Variants in UBE2O observed in about 807,000 individuals in gnomAD.
UBE2O encodes (E3-independent) E2 ubiquitin-conjugating enzyme.
In UBE2O, 15 loss-of-function variants were observed where a neutral mutation model predicts 125.8. The observed-to-expected ratio is 0.12, with a 90% CI of 0.08 to 0.18. UBE2O has a LOEUF of 0.18. UBE2O is among the 10% of genes least tolerant of loss of function. The pLI is 1.00. For missense variants in UBE2O, 1,280 were observed against 1,723.6 expected (o/e 0.74, Z 4.56); for synonymous variants, 708 against 703.2 (o/e 1.01, Z -0.11).
intron 15 of UBE2O, among the ~76,000 whole-genome samples, chr17:76,394,545 AGAT>A (rs1489397051): frequency 6.6e-6 from 1 of 152,244 alleles, no homozygotes; most frequent in African/African-American, 2.4e-5. Flanking sequence ...AGCAAATTAG[AGAT>A]GATGTGTACG....
chr17:76,405,290 G>A lies in UBE2O; in HGVS notation c.504C>T (p.Asp168=), dbSNP rs2072395803. 7.4e-6 allele frequency: 12 copies of A among 1,613,094 alleles called. No homozygotes were observed. The highest frequency in any genetic ancestry group is 1.0e-5 in the Non-Finnish European group (12 of 1,179,288). ...STDSQCGTVI[D]VNIDCAVKLI... ...GCTTGACGGCACAGTCGATGTTGAC[G>A]TCGATCACCGTGCCACACTGACTGT... is the stretch of plus-strand genomic sequence containing the variant. The change falls in exon 3 of 18, where the codon GAC becomes GAT. Residue 168 remains aspartate, a synonymous_variant. Transcript: ENST00000319380. This position sits in a 1 kb window ranked among gnomAD's most constrained non-coding sequence, Gnocchi z 6.1.
At chr17:76,419,628 A>G (rs982209322) in intron 1 of UBE2O, among the ~76,000 whole-genome samples, 5 of 152,188 alleles carry the variant, frequency 3.3e-5, no homozygotes, top group Non-Finnish European at 5.9e-5. Context: ...CAGGTGGTCC[A>G]GATCCCAGCC....
intron 1 of UBE2O, among the ~76,000 whole-genome samples, chr17:76,445,777 A>T (rs1000687362): frequency 6.6e-6 from 1 of 152,250 alleles, no homozygotes; most frequent in Non-Finnish European, 1.5e-5. Context: ...AATTCCAATA[A>T]GCATTTTGCT....
At position 76,399,255 on chromosome 17, in the gene UBE2O, C is replaced by A. The variant is rs919290586; in HGVS notation, c.1628+194G>T. 2 of 714,296 alleles carry A rather than the reference C, an allele frequency of 2.8e-6. No homozygotes were observed. The highest frequency in any genetic ancestry group is 5.8e-5 in the Admixed American group (2 of 34,442). 44.2% of individuals were successfully genotyped at this position (714,296 alleles called of 1,614,324 possible). A position where few individuals can be genotyped will look rare whatever the true frequency, so the allele number is the denominator to read the frequency against. On this transcript the variant is annotated intron_variant, in intron 9 of 17. Coordinates refer to ENST00000319380, the MANE Select transcript of UBE2O (RefSeq NM_022066.4). This position sits in a 1 kb window ranked among gnomAD's most constrained non-coding sequence, Gnocchi z 6.9. ...CTTAAGGCCACCACCATCCCACCCT[C>A]TGCACCACTCCTCAGTCTCTGCTTT...
chr17:76,427,450 C>T (rs936440079), intron 1 of UBE2O, among the ~76,000 whole-genome samples: 1 of 152,222 alleles, frequency 6.6e-6, no homozygotes, highest in Middle Eastern at 3.4e-3. Flanking sequence ...ATAATCTCTT[C>T]TATTATTTGA....
chr17:76,405,476 C>G lies in UBE2O; in HGVS notation c.477+37G>C. On this transcript the variant is annotated intron_variant, in intron 2 of 17. Coordinates refer to ENST00000319380, the MANE Select transcript of UBE2O (RefSeq NM_022066.4). The surrounding 1 kb of genome is among the most constrained non-coding windows in gnomAD (Gnocchi z 6.1). ...GGCTCAAGTCCCTAAGGTGGCTGCC[C>G]CCAGGCCCGGGGCTGGGGTGGGGAC... is the stretch of plus-strand genomic sequence containing the variant. 2 of 1,583,982 alleles carry G rather than the reference C, an allele frequency of 1.3e-6. No homozygotes were observed. The highest frequency in any genetic ancestry group is 1.7e-6 in the Non-Finnish European group (2 of 1,167,286).
chr17:76,398,103 G>C lies in UBE2O; in HGVS notation c.2025+152C>G. The C allele has an allele frequency of 1.8e-6, 2 of 1,142,002 alleles. No homozygotes were observed. The highest frequency in any genetic ancestry group is 1.3e-6 in the Non-Finnish European group (1 of 795,278). The allele number at this position is 1,142,002 out of a possible 1,614,324, so 70.7% of individuals were successfully genotyped here. A position where few individuals can be genotyped will look rare whatever the true frequency, so the allele number is the denominator to read the frequency against. On this transcript the variant is annotated intron_variant, in intron 12 of 17. Transcript: ENST00000319380. The surrounding 1 kb of genome is among the most constrained non-coding windows in gnomAD (Gnocchi z 5.4). Reference sequence around the variant, plus strand: ...CTGCAGCTGCTAGTGCTGAGCGGCAGCTTGACTCTGGGGCAGCTGCCCTTC... The same window carrying C: ...CTGCAGCTGCTAGTGCTGAGCGGCACCTTGACTCTGGGGCAGCTGCCCTTC...
Position 76,398,728 on chromosome 17 carries a change from G to T in UBE2O, c.1783+109C>A. 6.7e-7 allele frequency: 1 copy of T among 1,503,706 alleles called. No individual in the cohort carries two copies. The highest frequency in any genetic ancestry group is 9.1e-7 in the Non-Finnish European group (1 of 1,102,566). 93.1% of individuals were successfully genotyped at this position (1,503,706 alleles called of 1,614,324 possible). A position where few individuals can be genotyped will look rare whatever the true frequency, so the allele number is the denominator to read the frequency against. ...CCTTCATGAGGGCAGTCCCCTTCTG[G>T]ACCTCATTTTAGCTCTGACCCCAGA... On this transcript the variant is annotated intron_variant, in intron 10 of 17. Coordinates refer to ENST00000319380, the MANE Select transcript of UBE2O (RefSeq NM_022066.4). The surrounding 1 kb of genome is among the most constrained non-coding windows in gnomAD (Gnocchi z 5.4).
In UBE2O at chr17:76,395,028, A is replaced by G. The variant is rs2072180623; in HGVS notation, c.2946+697T>C. Among the ~76,000 whole-genome samples the G allele has an allele frequency of 7.0e-6, 1 of 143,100 alleles. No individual in the cohort carries two copies. The highest frequency in any genetic ancestry group is 2.6e-5 in the African/African-American group (1 of 38,742). The allele number at this position is 143,100 out of a possible 152,430, so 93.9% of individuals were successfully genotyped here. ...GTAGCTGGGATTACTGGCACCCGCC[A>G]CCACATCCGGCTAATTTTTGTATTT... On this transcript the variant is annotated intron_variant, in intron 15 of 17. Transcript: ENST00000319380. This position sits in a 1 kb window ranked among gnomAD's most constrained non-coding sequence, Gnocchi z 5.0.
At chr17:76,415,490 T>C (rs543746568) in intron 1 of UBE2O, among the ~76,000 whole-genome samples, 57 of 152,266 alleles carry the variant, frequency 3.7e-4, no homozygotes, top group Middle Eastern at 6.8e-3. Flanking sequence ...CCTGGACCAA[T>C]TGGAACCATG....
In UBE2O at chr17:76,390,823, G is replaced by T; in HGVS notation, c.*120C>A. ...AGCATCAAACTCACCTTGGGGAGAA[G>T]AGGGCAGTGGGTTTGCAGTGGGGAC... On this transcript the variant is annotated 3_prime_UTR_variant, in exon 18 of 18. Transcript: ENST00000319380. The T allele has an allele frequency of 1.0e-6, 1 of 985,984 alleles. No individual in the cohort carries two copies. Among genetic ancestry groups the T allele is most frequent in the South Asian group, 1.7e-5 (1 of 59,434 alleles). The allele number at this position is 985,984 out of a possible 1,614,324, so 61.1% of individuals were successfully genotyped here.
chr17:76,429,180 A>G (rs2072862502), intron 1 of UBE2O, among the ~76,000 whole-genome samples: 1 of 151,728 alleles, frequency 6.6e-6, no homozygotes, highest in Non-Finnish European at 1.5e-5. Flanking sequence ...GATTACAGGC[A>G]TGAGCCACCG....
chr17:76,404,797 G>A lies in UBE2O; in HGVS notation c.588+409C>T, dbSNP rs1181531761. On this transcript the variant is annotated intron_variant, in intron 3 of 17. Transcript: ENST00000319380. The surrounding 1 kb of genome is among the most constrained non-coding windows in gnomAD (Gnocchi z 4.3). ...GGGATCTCGGGGAAAAGGAGGGAGG[G>A]AAGGTGATGGAGCAAACGAAGTGAA... Among the ~76,000 whole-genome samples, 2 of 152,082 alleles carry A rather than the reference G, an allele frequency of 1.3e-5. No individual in the cohort carries two copies. Among genetic ancestry groups the A allele is most frequent in the Non-Finnish European group, 2.9e-5 (2 of 68,006 alleles).
At chr17:76,409,245 G>T (rs888408441) in intron 1 of UBE2O, among the ~76,000 whole-genome samples, 1 of 152,208 alleles carries the variant, frequency 6.6e-6, no homozygotes, top group Non-Finnish European at 1.5e-5. Flanking sequence ...TGGGATTACA[G>T]GCGTGAGCCA....
At chr17:76,451,777 GGGGTGTGTGTGT>G (rs1378528667) in intron 1 of UBE2O, among the ~76,000 whole-genome samples, 2 of 111,722 alleles carry the variant, frequency 1.8e-5, no homozygotes, top group Non-Finnish European at 3.9e-5. Flanking sequence ...GAGATACAGG[GGGGTGTGTGTGT>G]GTGTGTGTGT....
At chr17:76,438,974 TTG>T (rs2073040951) in intron 1 of UBE2O, among the ~76,000 whole-genome samples, 1 of 152,182 alleles carries the variant, frequency 6.6e-6, no homozygotes. Context: ...ACATTCCACC[TTG>T]TAAACTGCCG....
At chr17:76,450,335 C>T (rs1241586176) in intron 1 of UBE2O, among the ~76,000 whole-genome samples, 1 of 152,126 alleles carries the variant, frequency 6.6e-6, no homozygotes, top group Non-Finnish European at 1.5e-5. Context: ...AATCAGTCAC[C>T]TGTATCTATA....
chr17:76,406,857 G>A (rs1261199152), intron 1 of UBE2O, among the ~76,000 whole-genome samples: 7 of 151,856 alleles, frequency 4.6e-5, no homozygotes, highest in African/African-American at 1.2e-4. Context: ...GTGCCACCAC[G>A]CCCGGCTAAT....
At chr17:76,420,887 C>T (rs1307831295) in intron 1 of UBE2O, among the ~76,000 whole-genome samples, 1 of 152,172 alleles carries the variant, frequency 6.6e-6, no homozygotes, top group African/African-American at 2.4e-5. Context: ...CACTCACCCC[C>T]CTAGACTTCC....
Sources: gnomAD v4.1 joint callset for allele counts (sites outside exome capture counted in the v4.1 genomes callset) on GRCh38, gnomAD v4.1.1 for gene constraint, Gnocchi (gnomAD v3.1) non-coding constraint, MANE v1.5 for transcripts, NCBI Gene and HGNC (gene_info 2026-07-23, HGNC 2026-07-21) for gene names.